Variants in GTF3C4 observed in about 807,000 individuals in gnomAD.
The protein encoded by GTF3C4 is general transcription factor 3C polypeptide 4.
GTF3C4 carries 28 observed loss-of-function variants against 67.5 expected under a neutral mutation model. The ratio of observed to expected loss-of-function variants is 0.41; its 90% CI spans 0.31 to 0.57. GTF3C4 has a LOEUF of 0.57. Ranked by LOEUF, GTF3C4 falls within the 20% of genes least tolerant of loss-of-function variation. The pLI is 0.21. For synonymous variants in GTF3C4, 409 were observed against 393.0 expected, an observed-to-expected ratio of 1.04 and a Z score of -0.48; for missense variants, 831 against 1,033.2, an observed-to-expected ratio of 0.80 and a Z score of 2.68.
intron 2 of GTF3C4, among the ~76,000 whole-genome samples, chr9:132,681,966 TAAAAAA>T (rs56402111): frequency 1.2e-4 from 14 of 114,718 alleles, no homozygotes; most frequent in Admixed American, 1.9e-4. Flanking sequence ...CTACATAAAG[TAAAAAA>T]AAAAAAAAAA....
At chr9:132,687,194 T>C in intron 3 of GTF3C4, 45 bp from the exon 4 acceptor site, 1 of 1,028,382 alleles carries the variant, frequency 9.7e-7, no homozygotes, top group African/African-American at 1.6e-5. Flanking sequence ...TGAGTGTTAG[T>C]AGAGCAAACC....
chr9:132,692,729 C>T lies in GTF3C4; in HGVS notation c.*3784C>T, dbSNP rs1395834737. 6.6e-6 allele frequency: 1 copy of T among 152,182 alleles called. No individual in the cohort carries two copies. Among genetic ancestry groups the T allele is most frequent in the Non-Finnish European group, 1.5e-5 (1 of 68,030 alleles). The allele number at this position is 152,182 out of a possible 1,614,324, so 9.4% of individuals were successfully genotyped here. ...ACTGGGGAGTGTCTCAAGAATGGAA[C>T]CTTTGCCTTCAAGGTTGGGTCATCA... On this transcript the variant is annotated 3_prime_UTR_variant, in exon 5 of 5. Transcript: ENST00000372146.
chr9:132,683,501 G>T, intron 2 of GTF3C4, 62 bp from the exon 3 acceptor site: 1 of 1,440,200 alleles, frequency 6.9e-7, no homozygotes, highest in South Asian at 1.3e-5. Flanking sequence ...TGTGTTTGTA[G>T]GCTTTTTCTT....
chr9:132,689,697 C>T lies in GTF3C4; in HGVS notation c.*752C>T, dbSNP rs117378713. On this transcript the variant is annotated 3_prime_UTR_variant, in exon 5 of 5. Coordinates refer to ENST00000372146, the MANE Select transcript of GTF3C4 (RefSeq NM_012204.4). The stretch of plus-strand genomic sequence containing the variant: ...GATGTCAAATACTGTAGTTCACCCA[C>T]GCCACAGCCCTGCTTCAGACTTAAC... 2.0e-5 allele frequency: 3 copies of T among 152,138 alleles called. No homozygotes were observed. Among genetic ancestry groups the T allele is most frequent in the African/African-American group, 4.8e-5 (2 of 41,416 alleles). 9.4% of individuals were successfully genotyped at this position (152,138 alleles called of 1,614,324 possible).
At chr9:132,687,898 G>A (rs546310167) in intron 4 of GTF3C4, among the ~76,000 whole-genome samples, 1 of 152,298 alleles carries the variant, frequency 6.6e-6, no homozygotes, top group East Asian at 1.9e-4. Context: ...TTGTCCTGAC[G>A]TTAATAATGC....
At chr9:132,681,903 G>A (rs1042733985) in intron 2 of GTF3C4, among the ~76,000 whole-genome samples, 1 of 149,634 alleles carries the variant, frequency 6.7e-6, no homozygotes, top group African/African-American at 2.5e-5. Flanking sequence ...TGTGAGGATC[G>A]CTTGAGCCCA....
At chr9:132,681,624 T>G (rs1354350631) in intron 2 of GTF3C4, among the ~76,000 whole-genome samples, 1 of 152,148 alleles carries the variant, frequency 6.6e-6, no homozygotes, top group African/African-American at 2.4e-5. Context: ...TTTAATGTAT[T>G]TTGTGTGTCT....
chr9:132,687,244 T>G lies in GTF3C4; in HGVS notation c.2321T>G (p.Phe774Cys). The change falls in exon 4 of 5, where the codon TTC becomes TGC. Residue 774 changes from phenylalanine to cysteine, a missense_variant. Coordinates refer to ENST00000372146, the MANE Select transcript of GTF3C4 (RefSeq NM_012204.4). ...CSNGHIWLRCFLTYQSCQSLI... is the reference protein window; with the variant it reads ...CSNGHIWLRCCLTYQSCQSLI... ...TACAGTCTGTCTTCTTTCAGGTGCT[T>G]CTTAACCTACCAGTCCTGCCAGAGT... The G allele has an allele frequency of 1.9e-6, 3 of 1,584,666 alleles. No individual in the cohort carries two copies. Among genetic ancestry groups the G allele is most frequent in the Non-Finnish European group, 2.6e-6 (3 of 1,156,234 alleles).
chr9:132,670,114 C>T (rs1432463426), upstream of GTF3C4: 9 of 1,578,116 alleles, frequency 5.7e-6, no homozygotes, highest in Non-Finnish European at 7.8e-6. Flanking sequence ...CGGGTAGGGA[C>T]AAGACTACCG....
intron 1 of GTF3C4, among the ~76,000 whole-genome samples, chr9:132,676,655 G>C (rs765306800): frequency 7.9e-5 from 12 of 152,068 alleles, no homozygotes; most frequent in Non-Finnish European, 1.6e-4. Context: ...GTTGCACTCT[G>C]ATTTTCTGAT....
At chr9:132,676,322 ATT>A (rs35467574) in intron 1 of GTF3C4, among the ~76,000 whole-genome samples, 263 of 122,366 alleles carry the variant, frequency 2.1e-3, no homozygotes, top group Middle Eastern at 8.4e-3. Flanking sequence ...CATTTGGGGG[ATT>A]TTTTTTTTTT....
Position 132,673,057 on chromosome 9 carries a change from G to A in GTF3C4, c.357+2102G>A, listed in dbSNP as rs922453808. Among the ~76,000 whole-genome samples the A allele has an allele frequency of 9.9e-5, 15 of 152,250 alleles. No homozygotes were observed. The East Asian group carries it at 2.9e-3, about 29-fold the overall frequency. On this transcript the variant is annotated intron_variant, in intron 1 of 4. Coordinates refer to ENST00000372146, the MANE Select transcript of GTF3C4 (RefSeq NM_012204.4). ...AAATTAGCCGGGCGTGGTGGCGGGC[G>A]CCTGTAGTCCTAGCTACTGGGAGGC...
At position 132,678,285 on chromosome 9, in the gene GTF3C4, G is replaced by T; in HGVS notation, c.666G>T (p.Arg222Ser). 6.2e-7 allele frequency: 1 copy of T among 1,614,134 alleles called. No individual in the cohort carries two copies. The highest frequency in any genetic ancestry group is 2.2e-5 in the East Asian group (1 of 44,884). ...AACGTCTTTATGAGACCAGTTACAG[G>T]CTCTCTAAAAATGAGGCCCCGGAAG... is the stretch of plus-strand genomic sequence containing the variant. The part of the protein sequence containing the change: ...YGERLYETSY[R>S]LSKNEAPEGN... The change falls in exon 2 of 5, where the codon AGG (arginine) becomes AGT (serine). Residue 222 changes from arginine (R) to serine (S), a missense_variant. Arg to Ser is a moderately radical substitution (Grantham distance 110). This residue lies in a region of GTF3C4 where 390 missense variants were observed against 540.3 expected (regional missense o/e 0.72). Coordinates refer to ENST00000372146, the MANE Select transcript of GTF3C4 (RefSeq NM_012204.4). The surrounding 1 kb of genome is among the most constrained non-coding windows in gnomAD (Gnocchi z 6.5).
At chr9:132,682,759 C>G (rs918961931) in intron 2 of GTF3C4, among the ~76,000 whole-genome samples, 1 of 151,886 alleles carries the variant, frequency 6.6e-6, no homozygotes, top group Admixed American at 6.6e-5. Context: ...TATGTGCCAC[C>G]GTGCCTGGCT....
In GTF3C4 at chr9:132,670,512, G is replaced by A. The variant is rs1187810021; in HGVS notation, c.-87G>A. The A allele has an allele frequency of 1.8e-6, 2 of 1,129,796 alleles. No homozygotes were observed. Among genetic ancestry groups the A allele is most frequent in the Non-Finnish European group, 2.4e-6 (2 of 848,842 alleles). 70.0% of individuals were successfully genotyped at this position (1,129,796 alleles called of 1,614,324 possible). On this transcript the variant is annotated 5_prime_UTR_variant, in exon 1 of 5. Coordinates refer to ENST00000372146, the MANE Select transcript of GTF3C4 (RefSeq NM_012204.4). ...CTGAGGGGAGAAAACCGCCGCGGAG[G>A]GCGCTGGGGGTGGCGGCGGCGGTCC...
At chr9:132,680,283 C>G (rs1232328039) in intron 2 of GTF3C4, among the ~76,000 whole-genome samples, 1 of 152,166 alleles carries the variant, frequency 6.6e-6, no homozygotes, top group East Asian at 1.9e-4. Flanking sequence ...CTCATTTTTA[C>G]AAAAACTGGG....
Position 132,688,904 on chromosome 9 carries a change from C to T in GTF3C4, c.2428C>T (p.Leu810=). The change falls in exon 5 of 5, where the codon CTG becomes TTG. Residue 810 remains leucine (L), a synonymous_variant. Transcript: ENST00000372146. ...PEDPDWIKRL[L]QSPCPFCDSP... ...AGATCCCGACTGGATTAAGAGGTTACTGCAAAGCCCCTGCCCTTTCTGTGA... is the reference window on the plus strand; with the variant it reads ...AGATCCCGACTGGATTAAGAGGTTATTGCAAAGCCCCTGCCCTTTCTGTGA... The T allele has an allele frequency of 1.9e-6, 3 of 1,612,890 alleles. No homozygotes were observed. Among genetic ancestry groups the T allele is most frequent in the South Asian group, 1.1e-5 (1 of 91,064 alleles).
Position 132,679,897 on chromosome 9 carries a change from T to C in GTF3C4, c.2184+94T>C. ...AATTGAGTTCCTGAAGCTCAACTTT[T>C]GCTTTGACATTTTTTAGGTAATTTA... On this transcript the variant is annotated intron_variant, in intron 2 of 4. Transcript: ENST00000372146. This position sits in a 1 kb window ranked among gnomAD's most constrained non-coding sequence, Gnocchi z 5.9. The C allele has an allele frequency of 2.5e-6, 3 of 1,204,584 alleles. No homozygotes were observed. The highest frequency in any genetic ancestry group is 2.4e-5 in the East Asian group (1 of 42,026). The allele number at this position is 1,204,584 out of a possible 1,614,324, so 74.6% of individuals were successfully genotyped here.
intron 3 of GTF3C4, 133 bp downstream of exon 3, chr9:132,683,826 A>G: frequency 3.4e-6 from 3 of 870,252 alleles, no homozygotes; most frequent in South Asian, 2.0e-5. Context: ...AAAAGCTGCT[A>G]TTATAAAGCC....
Sources: gnomAD v4.1 joint callset for allele counts (sites outside exome capture counted in the v4.1 genomes callset) on GRCh38, gnomAD v4.1.1 for gene constraint, gnomAD v4.1.1 regional missense constraint, Gnocchi (gnomAD v3.1) non-coding constraint, MANE v1.5 for transcripts, NCBI Gene and HGNC (gene_info 2026-07-23, HGNC 2026-07-21) for gene names.